Variants in AUTS2 observed in about 807,000 individuals in gnomAD.
AUTS2 encodes the protein activator of transcription and developmental regulator AUTS2.
A neutral mutation model predicts 112.4 loss-of-function variants in AUTS2; 17 were observed. That is an observed-to-expected ratio of 0.15 (90% CI 0.10 to 0.23). The LOEUF is 0.23. Among genes scored for constraint, AUTS2 ranks in the 10% least tolerant of loss-of-function variants. The pLI is 1.00. For synonymous variants in AUTS2, 751 were observed against 702.7 expected (o/e 1.07, Z -1.09); for missense variants, 1,510 against 1,701.6 (o/e 0.89, Z 1.98).
At chr7:70,315,569 G>T (rs961008285) in intron 4 of AUTS2, among the ~76,000 whole-genome samples, 1 of 151,930 alleles carries the variant, frequency 6.6e-6, no homozygotes, top group Non-Finnish European at 1.5e-5. Context: ...GGCCTCCTTC[G>T]GGAACCCAAA....
chr7:70,421,686 T>C (rs913513090), intron 4 of AUTS2, among the ~76,000 whole-genome samples: 1 of 152,230 alleles, frequency 6.6e-6, no homozygotes, highest in Non-Finnish European at 1.5e-5. Flanking sequence ...TTGTACAACC[T>C]CTTTCAGTCC....
At chr7:70,084,569 C>T (rs1803492574) in intron 2 of AUTS2, among the ~76,000 whole-genome samples, 1 of 152,148 alleles carries the variant, frequency 6.6e-6, no homozygotes, top group South Asian at 2.1e-4. Flanking sequence ...TCCATTTTGC[C>T]ATCCTAATAG....
intron 4 of AUTS2, among the ~76,000 whole-genome samples, chr7:70,434,315 A>T (rs1458945769): frequency 6.6e-6 from 1 of 152,216 alleles, no homozygotes; most frequent in Non-Finnish European, 1.5e-5. Flanking sequence ...TTAACCTCAA[A>T]GTGTCAGGAG....
At chr7:70,303,146 G>A (rs557749397) in intron 4 of AUTS2, among the ~76,000 whole-genome samples, 1 of 151,752 alleles carries the variant, frequency 6.6e-6, no homozygotes, top group African/African-American at 2.4e-5. Context: ...AGAGCAAAAG[G>A]ACCCTGTAAC....
chr7:69,802,207 G>C (rs1167926920), intron 1 of AUTS2, among the ~76,000 whole-genome samples: 1 of 152,172 alleles, frequency 6.6e-6, no homozygotes, highest in Non-Finnish European at 1.5e-5. Context: ...TAAGGGGAGA[G>C]CGTATGTTTC....
intron 3 of AUTS2, among the ~76,000 whole-genome samples, chr7:70,126,211 G>A (rs978466167): frequency 1.1e-4 from 17 of 152,182 alleles, no homozygotes; most frequent in African/African-American, 3.9e-4. Flanking sequence ...TTGAGGTCAG[G>A]AGTTGGAGAT....
chr7:69,605,834 G>A (rs780709603), intron 1 of AUTS2, among the ~76,000 whole-genome samples: 1 of 152,188 alleles, frequency 6.6e-6, no homozygotes, highest in South Asian at 2.1e-4. Flanking sequence ...TTTAGGATCT[G>A]AGAAGGGATG....
At chr7:69,996,110 G>A (rs1584544776) in intron 2 of AUTS2, among the ~76,000 whole-genome samples, 1 of 152,298 alleles carries the variant, frequency 6.6e-6, no homozygotes, top group Non-Finnish European at 1.5e-5. Flanking sequence ...CCTCCATGAT[G>A]GTTTCTGATC....
At chr7:69,992,656 G>A (rs1798785908) in intron 2 of AUTS2, among the ~76,000 whole-genome samples, 1 of 152,184 alleles carries the variant, frequency 6.6e-6, no homozygotes, top group Non-Finnish European at 1.5e-5. Flanking sequence ...TCCTCCAGTG[G>A]GAGGATCCCT....
At chr7:70,515,932 C>T (rs555678380) in intron 5 of AUTS2, among the ~76,000 whole-genome samples, 11 of 152,276 alleles carry the variant, frequency 7.2e-5, no homozygotes, top group African/African-American at 2.6e-4. Context: ...AACTTATCAG[C>T]CCTAAACAGA....
rs75931162 is a variant in AUTS2 at position 70,173,407 on chromosome 7, A to C, written c.660+38836A>C. The stretch of plus-strand genomic sequence containing the variant: ...GAGAAAGAAAATGTTGACGGAAGGC[A>C]TTCTATCTCAGTCTCTGCAATGAGC... On this transcript the variant is annotated intron_variant, in intron 4 of 18. Transcript: ENST00000342771. Among the ~76,000 whole-genome samples, 1,269 of 152,030 alleles carry C rather than the reference A, an allele frequency of 8.3e-3. 17 individuals are homozygous for C. Among genetic ancestry groups the C allele is most frequent in the African/African-American group, 0.03 (1,232 of 41,492 alleles).
At chr7:70,154,740 G>A (rs890470909) in intron 4 of AUTS2, among the ~76,000 whole-genome samples, 1 of 152,170 alleles carries the variant, frequency 6.6e-6, no homozygotes, top group African/African-American at 2.4e-5. Flanking sequence ...TTGACTCATG[G>A]TGACTTTGGA....
At chr7:69,987,362 G>A (rs1798554213) in intron 2 of AUTS2, among the ~76,000 whole-genome samples, 1 of 152,226 alleles carries the variant, frequency 6.6e-6, no homozygotes, top group African/African-American at 2.4e-5. Flanking sequence ...GACAACTGGG[G>A]AAATCTGAAA....
chr7:70,371,231 A>G (rs550890768), intron 4 of AUTS2, among the ~76,000 whole-genome samples: 8 of 152,328 alleles, frequency 5.3e-5, no homozygotes, highest in Admixed American at 3.9e-4. Context: ...GGCCAACTGA[A>G]TAAGAATGTT....
chr7:69,792,232 G>T (rs961571158), intron 1 of AUTS2, among the ~76,000 whole-genome samples: 6 of 146,812 alleles, frequency 4.1e-5, no homozygotes, highest in African/African-American at 1.3e-4. Context: ...TTAAGTTGTT[G>T]TTTTTTTTTT....
At chr7:69,900,428 G>A (rs10950193) in intron 2 of AUTS2, among the ~76,000 whole-genome samples, 16,128 of 152,216 alleles carry the variant, frequency 0.11, 1,276 homozygotes, top group African/African-American at 0.22. Context: ...CAGAGGCAGG[G>A]AGATCTGGGA....
rs141614899 is a variant in AUTS2 at position 69,882,991 on chromosome 7, C to T, written c.310-16295C>T. ...ATTTACTGCCTGTACCAGGAAGTAT[C>T]CCAAGCACTTTCCACAAATTTCATT... On this transcript the variant is annotated intron_variant, in intron 1 of 18. Coordinates refer to ENST00000342771, the MANE Select transcript of AUTS2 (RefSeq NM_015570.4). 2.0e-5 allele frequency among the ~76,000 whole-genome samples: 3 copies of T among 152,288 alleles called. No homozygotes were observed. In the East Asian group the frequency reaches 5.8e-4, roughly 29 times the overall value.
chr7:70,338,514 G>A (rs1791098807), intron 4 of AUTS2, among the ~76,000 whole-genome samples: 1 of 152,146 alleles, frequency 6.6e-6, no homozygotes, highest in South Asian at 2.1e-4. Context: ...TTGTATAATT[G>A]TTATTATGTC....
chr7:70,741,101 A>T (rs1296686504), intron 6 of AUTS2, among the ~76,000 whole-genome samples: 1 of 148,252 alleles, frequency 6.7e-6, no homozygotes, highest in Non-Finnish European at 1.5e-5. Flanking sequence ...CTCAAAAATT[A>T]AAAAAAATAA....
Sources: allele counts gnomAD v4.1 joint callset (sites outside exome capture counted in the v4.1 genomes callset), GRCh38; gene constraint gnomAD v4.1.1; transcripts MANE v1.5; gene names NCBI Gene and HGNC (gene_info 2026-07-23, HGNC 2026-07-21).